The following CELF4 variants were observed in gnomAD, a reference collection of about 807,000 sequenced individuals.
CELF4 encodes CUG-BP- and ETR-3-like factor 4.
CELF4 carries 18 observed loss-of-function variants against 59.9 expected under a neutral mutation model. That is an observed-to-expected ratio of 0.30 (90% CI 0.21 to 0.45). The LOEUF (loss-of-function observed/expected upper bound fraction) is 0.45. CELF4 is among the 20% of genes least tolerant of loss of function. The probability of loss-of-function intolerance (pLI) is 1.00; values close to 1 mark genes in which losing one functional copy is unlikely to be tolerated. For missense variants in CELF4, 456 were observed against 689.0 expected (o/e 0.66, Z 3.79); for synonymous variants, 261 against 267.1 (o/e 0.98, Z 0.22).
Position 37,308,648 on chromosome 18 carries a change from C to T in CELF4, c.448+13155G>A, listed in dbSNP as rs111243166. 2.9e-3 allele frequency among the ~76,000 whole-genome samples: 442 copies of T among 152,328 alleles called. 4 individuals carry two copies. The highest frequency in any genetic ancestry group is 0.01 in the African/African-American group (418 of 41,578). On this transcript the variant is annotated intron_variant, in intron 3 of 12. Coordinates refer to ENST00000420428, the MANE Select transcript of CELF4 (RefSeq NM_020180.4). ...CTCTCCAGGAGCAAGGACTGTCCCT[C>T]GAAGTTTAAAGTTATTTGCAACTGG...
intron 2 of CELF4, among the ~76,000 whole-genome samples, chr18:37,436,189 G>C (rs2099691540): frequency 6.6e-6 from 1 of 152,196 alleles, no homozygotes; most frequent in South Asian, 2.1e-4. Context: ...CCTGGCGCTG[G>C]CTCGCTTAAG....
intron 11 of CELF4, among the ~76,000 whole-genome samples, chr18:37,258,646 C>A (rs997360265): frequency 6.6e-6 from 1 of 152,008 alleles, no homozygotes; most frequent in Non-Finnish European, 1.5e-5. Context: ...TGGGGCAGGA[C>A]AGAGAGCTGG....
At chr18:37,382,037 A>T (rs61418116) in intron 2 of CELF4, among the ~76,000 whole-genome samples, 52,542 of 151,828 alleles carry the variant, frequency 0.35, 9,568 homozygotes, top group Non-Finnish European at 0.4. Context: ...CTCACTCTTT[A>T]TGTTAAACCT....
At chr18:37,289,245 C>T (rs1205318617) in intron 3 of CELF4, among the ~76,000 whole-genome samples, 1 of 152,072 alleles carries the variant, frequency 6.6e-6, no homozygotes, top group African/African-American at 2.4e-5. Context: ...CTGCAGTGTC[C>T]TCATGGATGA....
intron 2 of CELF4, among the ~76,000 whole-genome samples, chr18:37,324,548 C>T (rs1271301566): frequency 1.3e-5 from 2 of 152,212 alleles, no homozygotes; most frequent in Non-Finnish European, 2.9e-5. Flanking sequence ...GTTTAAGCCA[C>T]CTGGTCTGTG....
At position 37,466,134 on chromosome 18, in the gene CELF4, TTGATCACTGTCAGC is replaced by T. The variant is rs1449620990; in HGVS notation, c.369+19377_369+19390del. On this transcript the variant is annotated intron_variant, in intron 2 of 12. Coordinates refer to ENST00000420428, the MANE Select transcript of CELF4 (RefSeq NM_020180.4). ...TCGCGCCTGCTCTTTCTGTCTGCTC[TTGATCACTGTCAGC>T]TGCCTAAAGCCAAGCGCGAGACAGC... is the stretch of plus-strand genomic sequence containing the variant. 5.3e-5 allele frequency among the ~76,000 whole-genome samples: 8 copies of T among 152,330 alleles called. No homozygotes were observed. The East Asian group carries it at 1.5e-3, about 29-fold the overall frequency.
rs140168375 is a variant in CELF4, at chr18:37,368,383, C to T, written c.370-46502G>A. 2.8e-3 allele frequency among the ~76,000 whole-genome samples: 426 copies of T among 152,222 alleles called. 2 individuals carry two copies. The highest frequency in any genetic ancestry group is 4.5e-3 in the Non-Finnish European group (307 of 68,004). The stretch of plus-strand genomic sequence containing the variant: ...CAGCCCTTGTTGCCTGTCAGCCCTC[C>T]GCCTTGATCCTCCCCACAATGATGT... On this transcript the variant is annotated intron_variant, in intron 2 of 12. Coordinates refer to ENST00000420428, the MANE Select transcript of CELF4 (RefSeq NM_020180.4).
chr18:37,384,295 G>A (rs1228130301), intron 2 of CELF4, among the ~76,000 whole-genome samples: 1 of 152,168 alleles, frequency 6.6e-6, no homozygotes, highest in Non-Finnish European at 1.5e-5. Context: ...AATTCTAAGT[G>A]GCAATCTGGA....
At position 37,504,914 on chromosome 18, in the gene CELF4, C is replaced by A. The variant is rs559933720; in HGVS notation, c.287-19307G>T. On this transcript the variant is annotated intron_variant, in intron 1 of 12. Transcript: ENST00000420428. ...TCTTTACAAAAGAAAAGGGCCTGAG[C>A]CACAAACAATTTGAGGGCCAGTGAG... Among the ~76,000 whole-genome samples, 13 of 152,324 alleles carry A rather than the reference C, an allele frequency of 8.5e-5. No homozygotes were observed. In the South Asian group the frequency reaches 2.7e-3, roughly 32 times the overall value.
intron 1 of CELF4, among the ~76,000 whole-genome samples, chr18:37,555,880 C>A (rs148850732): frequency 1.4e-4 from 22 of 152,170 alleles, no homozygotes; most frequent in Non-Finnish European, 1.9e-4. Context: ...AGAATGTGTG[C>A]GCATATGCTT....
intron 1 of CELF4, among the ~76,000 whole-genome samples, chr18:37,498,175 T>G (rs1159784730): frequency 3.9e-5 from 6 of 152,180 alleles, no homozygotes; most frequent in Non-Finnish European, 8.8e-5. Context: ...TTGGGGGCCC[T>G]GGAGTGGTTT....
At chr18:37,315,183 A>G (rs933362472) in intron 3 of CELF4, among the ~76,000 whole-genome samples, 8 of 152,032 alleles carry the variant, frequency 5.3e-5, no homozygotes, top group African/African-American at 1.9e-4. Context: ...GGGAGACAAG[A>G]GTTGGGCCTG....
intron 7 of CELF4, among the ~76,000 whole-genome samples, chr18:37,271,254 C>CTTTTTTTTTTTT (rs34833771): frequency 4.4e-4 from 46 of 105,566 alleles, no homozygotes; most frequent in Middle Eastern, 6.3e-3. Context: ...TCCTTCAGTC[C>CTTTTTTTTTTTT]TTTTTTTTTT....
intron 12 of CELF4, among the ~76,000 whole-genome samples, chr18:37,250,095 G>A (rs927632074): frequency 6.6e-6 from 1 of 152,122 alleles, no homozygotes; most frequent in Admixed American, 6.5e-5. Flanking sequence ...GGGGCTCAGA[G>A]GCCAATCTCT....
chr18:37,417,621 A>G (rs1238787171), intron 2 of CELF4, among the ~76,000 whole-genome samples: 1 of 152,194 alleles, frequency 6.6e-6, no homozygotes, highest in Non-Finnish European at 1.5e-5. Context: ...AGCTGGAACC[A>G]CCAGCTCTCC....
At position 37,274,334 on chromosome 18, in the gene CELF4, C is replaced by A; in HGVS notation, c.778G>T (p.Ala260Ser). The change falls in exon 6 of 13, where the codon GCC becomes TCC. Residue 260 changes from alanine to serine, a missense_variant. Physicochemically the swap from Ala to Ser is moderately conservative, Grantham distance 99. This residue lies in a region of CELF4 where 256 missense variants were observed against 340.8 expected (regional missense o/e 0.75). Transcript: ENST00000420428. ...ACTGCCTGAGCGTAGGCGCCGTAGG[C>A]CCCGAAAGGGATGGCCATGGGGTTG... Reference protein sequence around the residue: ...MFNPMAIPFGAYGAYAQALMQ... With the variant: ...MFNPMAIPFGSYGAYAQALMQ... 1 of 1,613,154 alleles carries A rather than the reference C, an allele frequency of 6.2e-7. No homozygotes were observed. The highest frequency in any genetic ancestry group is 8.5e-7 in the Non-Finnish European group (1 of 1,179,792).
rs184065055 is a variant in CELF4, at chr18:37,484,259, C to T, written c.369+1266G>A. Among the ~76,000 whole-genome samples, 6 of 152,344 alleles carry T rather than the reference C, an allele frequency of 3.9e-5. No homozygotes were observed. In the East Asian group the frequency reaches 5.8e-4, roughly 15 times the overall value. On this transcript the variant is annotated intron_variant, in intron 2 of 12. Coordinates refer to ENST00000420428, the MANE Select transcript of CELF4 (RefSeq NM_020180.4). Reference sequence around the variant, plus strand: ...TTCTCAGAAGCCTTTGATTATCCTACAATATGGCTTTATGCTTCACACATA... The same window carrying T: ...TTCTCAGAAGCCTTTGATTATCCTATAATATGGCTTTATGCTTCACACATA...
chr18:37,506,315 AAAACACAGCCGACCAAAAAATCCCG>A (rs2099937955), intron 1 of CELF4, among the ~76,000 whole-genome samples: 1 of 151,994 alleles, frequency 6.6e-6, no homozygotes. Context: ...TTGTTTGGGG[AAAACACAGCCGACCAAAAAATCCCG>A]CAGTGTAGGG....
chr18:37,404,712 G>A (rs1371935707), intron 2 of CELF4, among the ~76,000 whole-genome samples: 1 of 152,212 alleles, frequency 6.6e-6, no homozygotes, highest in Non-Finnish European at 1.5e-5. Context: ...GAGCCAGGAT[G>A]GAGAGTGTAC....
Sources: allele counts gnomAD v4.1 joint callset (sites outside exome capture counted in the v4.1 genomes callset), GRCh38; gene constraint gnomAD v4.1.1; regional missense constraint gnomAD v4.1.1; transcripts MANE v1.5; gene names NCBI Gene and HGNC (gene_info 2026-07-23, HGNC 2026-07-21).